SULF1: variants seen among roughly 807,000 people sequenced by gnomAD.
SULF1 encodes the protein extracellular sulfatase Sulf-1.
Under a neutral mutation model 110.5 loss-of-function variants are expected in SULF1, and 46 were observed. The ratio of observed to expected loss-of-function variants is 0.42; its 90% CI spans 0.33 to 0.53. SULF1 has a LOEUF of 0.53. Ranked by LOEUF, SULF1 falls within the 20% of genes least tolerant of loss-of-function variation. The pLI, the probability that SULF1 is intolerant of heterozygous loss-of-function variation, is 0.12. For synonymous variants in SULF1, 371 were observed against 387.1 expected (o/e 0.96, Z 0.49); for missense variants, 941 against 1,094.2 (o/e 0.86, Z 1.98).
At chr8:69,567,058 T>TG (rs1815933110) in intron 5 of SULF1, among the ~76,000 whole-genome samples, 1 of 152,144 alleles carries the variant, frequency 6.6e-6, no homozygotes, top group Non-Finnish European at 1.5e-5. Context: ...TAATCAGCCA[T>TG]CTACAAATAA....
Position 69,659,488 on chromosome 8 carries a change from G to T in SULF1, c.*953G>T. ...AGCGGTGTGCACACGGAGACTCATC[G>T]TTATAATTTACTATCTGCCAAGAGT... On this transcript the variant is annotated 3_prime_UTR_variant, in exon 23 of 23. Coordinates refer to ENST00000402687, the MANE Select transcript of SULF1 (RefSeq NM_001128205.2). 1 of 266,878 alleles carries T rather than the reference G, an allele frequency of 3.7e-6. No individual in the cohort carries two copies. Among genetic ancestry groups the T allele is most frequent in the East Asian group, 1.0e-4 (1 of 10,004 alleles). 16.5% of individuals were successfully genotyped at this position (266,878 alleles called of 1,614,324 possible).
intron 3 of SULF1, among the ~76,000 whole-genome samples, chr8:69,529,082 C>G (rs1446765713): frequency 1.3e-5 from 2 of 152,138 alleles, no homozygotes; most frequent in African/African-American, 2.4e-5. Flanking sequence ...GGTTGATACT[C>G]TTACTCCAGC....
At chr8:69,623,785 C>T (rs1280941872) in intron 14 of SULF1, among the ~76,000 whole-genome samples, 157 bp from the exon 15 acceptor site, 1 of 152,114 alleles carries the variant, frequency 6.6e-6, no homozygotes, top group East Asian at 1.9e-4. Flanking sequence ...CCAGGACAAC[C>T]TCTGCTACCG....
intron 3 of SULF1, among the ~76,000 whole-genome samples, chr8:69,525,796 C>T (rs1273444445): frequency 6.6e-6 from 1 of 152,164 alleles, no homozygotes; most frequent in African/African-American, 2.4e-5. Context: ...TCTCAGGGAG[C>T]TTACATTCTC....
At chr8:69,521,093 C>T (rs974754592) in intron 3 of SULF1, among the ~76,000 whole-genome samples, 1 of 152,134 alleles carries the variant, frequency 6.6e-6, no homozygotes, top group Non-Finnish European at 1.5e-5. Flanking sequence ...AAGCATAACA[C>T]TTTAGGGAAA....
At chr8:69,657,502 T>C (rs1156997493) in intron 22 of SULF1, among the ~76,000 whole-genome samples, 1 of 152,226 alleles carries the variant, frequency 6.6e-6, no homozygotes. Flanking sequence ...ACCAACAGCC[T>C]CCAATCAATC....
chr8:69,655,092 G>C (rs925785647), intron 22 of SULF1, among the ~76,000 whole-genome samples: 2 of 152,212 alleles, frequency 1.3e-5, no homozygotes, highest in Admixed American at 6.5e-5. Flanking sequence ...CCTGGGGTAA[G>C]TGTCTATTTC....
Position 69,503,362 on chromosome 8 carries a change from C to T in SULF1, c.-134+1394C>T, listed in dbSNP as rs558533873. Among the ~76,000 whole-genome samples, 12 of 152,266 alleles carry T rather than the reference C, an allele frequency of 7.9e-5. No homozygotes were observed. The South Asian group carries it at 1.9e-3, about 24-fold the overall frequency. Reference sequence around the variant, plus strand: ...CACTGTATCAGATGCTTGTCATAAACGAGCTGAATCCACAGTAAGAGAAGA... The same window carrying T: ...CACTGTATCAGATGCTTGTCATAAATGAGCTGAATCCACAGTAAGAGAAGA... On this transcript the variant is annotated intron_variant, in intron 3 of 22. Coordinates refer to ENST00000402687, the MANE Select transcript of SULF1 (RefSeq NM_001128205.2).
rs544896070 is a variant in SULF1 at position 69,510,610 on chromosome 8, G to T, written c.-134+8642G>T. ...GTTTTTGTGTTGGGTTTTTTGGTGGGTTTTTTTTTGTTTTTTTTTTTTTTG... is the reference window on the plus strand; with the variant it reads ...GTTTTTGTGTTGGGTTTTTTGGTGGTTTTTTTTTTGTTTTTTTTTTTTTTG... On this transcript the variant is annotated intron_variant, in intron 3 of 22. Transcript: ENST00000402687. Among the ~76,000 whole-genome samples, 51 of 92,146 alleles carry T rather than the reference G, an allele frequency of 5.5e-4. No homozygotes were observed. In the East Asian group the frequency reaches 0.017, roughly 31 times the overall value. The allele number at this position is 92,146 out of a possible 152,430, so 60.5% of individuals were successfully genotyped here.
intron 6 of SULF1, among the ~76,000 whole-genome samples, chr8:69,585,047 T>C (rs1806345460): frequency 6.6e-6 from 1 of 152,210 alleles, no homozygotes; most frequent in South Asian, 2.1e-4. Flanking sequence ...ATCTGTTTAA[T>C]GAAGCCAGGC....
intron 3 of SULF1, among the ~76,000 whole-genome samples, chr8:69,552,946 A>G (rs1420809551): frequency 6.6e-6 from 1 of 152,206 alleles, no homozygotes; most frequent in African/African-American, 2.4e-5. Flanking sequence ...CCCTAAACTA[A>G]ACAGGTGGCC....
At chr8:69,625,495 C>T (rs1456154955) in intron 15 of SULF1, among the ~76,000 whole-genome samples, 1 of 152,160 alleles carries the variant, frequency 6.6e-6, no homozygotes, top group Non-Finnish European at 1.5e-5. Flanking sequence ...GAGTCTGTCC[C>T]TTCTGATGTT....
At chr8:69,494,916 TAGTG>T (rs1810229446) in intron 1 of SULF1, among the ~76,000 whole-genome samples, 1 of 150,472 alleles carries the variant, frequency 6.6e-6, no homozygotes. Context: ...GAGACTATTG[TAGTG>T]TTCCAGTGAG....
rs191449633 is a variant in SULF1 at position 69,562,344 on chromosome 8, G to A, written c.-133-1195G>A. 2.0e-5 allele frequency among the ~76,000 whole-genome samples: 3 copies of A among 152,318 alleles called. No individual in the cohort carries two copies. In the East Asian group the frequency reaches 5.8e-4, roughly 29 times the overall value. On this transcript the variant is annotated intron_variant, in intron 3 of 22. Coordinates refer to ENST00000402687, the MANE Select transcript of SULF1 (RefSeq NM_001128205.2). ...TCCAGAATTAAGGGCATGAAGTTGA[G>A]AGATGGAGCCCTTTCCTCCTGCTAT... is the stretch of plus-strand genomic sequence containing the variant.
intron 7 of SULF1, among the ~76,000 whole-genome samples, chr8:69,587,384 G>A (rs1400091223): frequency 6.6e-6 from 1 of 152,126 alleles, no homozygotes; most frequent in East Asian, 1.9e-4. Flanking sequence ...TTTAATGTTG[G>A]CATATTGCTG....
intron 22 of SULF1, among the ~76,000 whole-genome samples, chr8:69,649,330 C>A (rs975864584): frequency 2.0e-5 from 3 of 152,172 alleles, no homozygotes; most frequent in African/African-American, 7.2e-5. Context: ...AAACATCATT[C>A]CCCTTTATAT....
Position 69,621,113 on chromosome 8 carries a change from C to G in SULF1, c.1456C>G (p.Arg486Gly). 6.2e-7 allele frequency: 1 copy of G among 1,614,086 alleles called. No homozygotes were observed. Among genetic ancestry groups the G allele is most frequent in the Non-Finnish European group, 8.5e-7 (1 of 1,179,960 alleles). Reference protein sequence around the residue: ...CKGPSDLLTVRQSTRNLYARG... With the variant: ...CKGPSDLLTVGQSTRNLYARG... Reference sequence around the variant, plus strand: ...AGGACCCAGTGACCTGCTCACAGTCCGGCAGAGCACGCGGAACCTCTACGC... The same window carrying G: ...AGGACCCAGTGACCTGCTCACAGTCGGGCAGAGCACGCGGAACCTCTACGC... Residue 486 changes from arginine (R) to glycine (G), a missense_variant, in exon 14 of 23, where the codon CGG (arginine) becomes GGG (glycine). Transcript: ENST00000402687.
intron 10 of SULF1, 151 bp from the exon 11 acceptor site, chr8:69,603,041 A>C: frequency 9.1e-7 from 1 of 1,093,356 alleles, no homozygotes; most frequent in Non-Finnish European, 1.3e-6. Context: ...TCACACACCC[A>C]CCCTTGCCAC....
chr8:69,604,753 C>T (rs377263673), intron 12 of SULF1, 50 bp from the exon 13 acceptor site: 24 of 1,610,066 alleles, frequency 1.5e-5, no homozygotes, highest in South Asian at 9.9e-5. Context: ...ACTCAGGGAC[C>T]GTAATTCAGA....
Sources: allele counts gnomAD v4.1 joint callset (sites outside exome capture counted in the v4.1 genomes callset), GRCh38; gene constraint gnomAD v4.1.1; transcripts MANE v1.5; gene names NCBI Gene and HGNC (gene_info 2026-07-23, HGNC 2026-07-21).